Variants in RAB5A observed in about 807,000 individuals in gnomAD.
RAB5A encodes the protein ras-related protein Rab-5A.
In RAB5A, 8 loss-of-function variants were observed where a neutral mutation model predicts 25.7. That is an observed-to-expected ratio of 0.31 (90% confidence interval 0.18 to 0.56). The LOEUF (loss-of-function observed/expected upper bound fraction) is 0.56, where lower values mean the gene tolerates loss of function less well. RAB5A is among the 20% of genes least tolerant of loss of function. The pLI, the probability that RAB5A is intolerant of heterozygous loss-of-function variation, is 0.91. For synonymous variants in RAB5A, 98 were observed against 89.8 expected (o/e 1.09, Z -0.52); for missense variants, 192 against 259.7 (o/e 0.74, Z 1.79).
At chr3:19,951,607 A>G (rs763551681) in intron 2 of RAB5A, among the ~76,000 whole-genome samples, 7 of 151,780 alleles carry the variant, frequency 4.6e-5, no homozygotes, top group Admixed American at 3.9e-4. Context: ...CTCACTGCAG[A>G]CTGCAGCCTG....
intron 2 of RAB5A, among the ~76,000 whole-genome samples, chr3:19,953,230 C>T (rs180856142): frequency 6.6e-5 from 10 of 151,984 alleles, no homozygotes; most frequent in Admixed American, 5.9e-4. Context: ...AAAATGTAAC[C>T]CCATATCCTG....
chr3:19,954,930 A>G (rs1696477894), intron 2 of RAB5A, among the ~76,000 whole-genome samples: 1 of 152,134 alleles, frequency 6.6e-6, no homozygotes, highest in African/African-American at 2.4e-5. Flanking sequence ...AGAGAATTCT[A>G]GCTTGTTTGT....
At chr3:19,976,565 A>G (rs1696827702) in intron 4 of RAB5A, among the ~76,000 whole-genome samples, 1 of 152,158 alleles carries the variant, frequency 6.6e-6, no homozygotes, top group Admixed American at 6.5e-5. Flanking sequence ...CATGCCTGTA[A>G]TCCCAGCTAC....
intron 2 of RAB5A, among the ~76,000 whole-genome samples, chr3:19,954,934 T>C (rs972737393): frequency 1.3e-5 from 2 of 152,170 alleles, no homozygotes; most frequent in Non-Finnish European, 2.9e-5. Flanking sequence ...AATTCTAGCT[T>C]GTTTGTATGG....
intron 2 of RAB5A, 130 bp downstream of exon 2, chr3:19,951,191 A>G: frequency 9.6e-7 from 1 of 1,042,708 alleles, no homozygotes. Context: ...TGTTCAGCTT[A>G]CCTTAGCTTT....
chr3:19,983,664 T>C, intron 5 of RAB5A, 44 bp from the exon 6 acceptor site: 1 of 1,262,868 alleles, frequency 7.9e-7, no homozygotes, highest in Non-Finnish European at 1.1e-6. Flanking sequence ...CTGATATTAA[T>C]ATGAGTATTC....
intron 2 of RAB5A, among the ~76,000 whole-genome samples, chr3:19,956,563 G>A (rs1490076222): frequency 2.0e-5 from 3 of 152,164 alleles, no homozygotes; most frequent in Non-Finnish European, 4.4e-5. Flanking sequence ...GTTGTTTTTA[G>A]TCTAAAACAA....
At chr3:19,956,978 G>C (rs1386883661) in intron 2 of RAB5A, among the ~76,000 whole-genome samples, 1 of 133,000 alleles carries the variant, frequency 7.5e-6, no homozygotes, top group Non-Finnish European at 1.6e-5. Flanking sequence ...AGCCTGCTCT[G>C]TTGCCCAGGC....
intron 5 of RAB5A, among the ~76,000 whole-genome samples, chr3:19,983,086 C>T (rs1196897243): frequency 6.6e-6 from 1 of 152,000 alleles, no homozygotes; most frequent in Non-Finnish European, 1.5e-5. Context: ...CCTATAATCC[C>T]AACACTTTGG....
At chr3:19,951,270 T>A in intron 2 of RAB5A, 1 of 489,476 alleles carries the variant, frequency 2.0e-6, no homozygotes, top group Non-Finnish European at 3.5e-6. Context: ...TCCCTTGTGG[T>A]TATATTGTAG....
intron 1 of RAB5A, 149 bp from the exon 2 acceptor site, chr3:19,950,657 A>G (rs534556696): frequency 2.7e-6 from 1 of 370,458 alleles, no homozygotes; most frequent in Non-Finnish European, 4.8e-6. Context: ...ATACCTTTGA[A>G]TTTCCTTTAA....
chr3:19,974,278 C>G (rs1696791407), intron 2 of RAB5A, among the ~76,000 whole-genome samples: 1 of 151,964 alleles, frequency 6.6e-6, no homozygotes, highest in African/African-American at 2.4e-5. Context: ...CCTCAGCCTC[C>G]CGAGTAACCG....
At chr3:19,970,267 T>C (rs577082680) in intron 2 of RAB5A, among the ~76,000 whole-genome samples, 2 of 152,384 alleles carry the variant, frequency 1.3e-5, no homozygotes, top group African/African-American at 4.8e-5. Flanking sequence ...CCTTGCCCAG[T>C]GTGTTACAGT....
At chr3:19,977,218 G>A (rs902041018) in intron 4 of RAB5A, among the ~76,000 whole-genome samples, 1 of 151,936 alleles carries the variant, frequency 6.6e-6, no homozygotes, top group African/African-American at 2.4e-5. Flanking sequence ...GACTACAGGC[G>A]CCCACCACCA....
At chr3:19,980,010 T>A (rs545282255) in intron 5 of RAB5A, 1 of 152,248 alleles carries the variant, frequency 6.6e-6, no homozygotes, top group South Asian at 2.1e-4. Flanking sequence ...CAGAGTTTAA[T>A]GGTACTTCAT....
In RAB5A at chr3:19,974,280, G is replaced by A. The variant is rs1307213897; in HGVS notation, c.164-1321G>A. 2.0e-5 allele frequency among the ~76,000 whole-genome samples: 3 copies of A among 151,384 alleles called. No individual in the cohort carries two copies. The East Asian group carries it at 5.8e-4, about 29-fold the overall frequency. ...AACGACTCTCCTGCCTCAGCCTCCCGAGTAACCGGAACCACAGGCAAGCGC... is the reference window on the plus strand; with the variant it reads ...AACGACTCTCCTGCCTCAGCCTCCCAAGTAACCGGAACCACAGGCAAGCGC... On this transcript the variant is annotated intron_variant, in intron 2 of 5. Coordinates refer to ENST00000273047, the MANE Select transcript of RAB5A (RefSeq NM_004162.5).
chr3:19,969,057 T>G (rs1489007062), intron 2 of RAB5A, among the ~76,000 whole-genome samples: 2 of 142,568 alleles, frequency 1.4e-5, no homozygotes, highest in African/African-American at 5.3e-5. Context: ...TTTTTTTTTT[T>G]TTTTGAGATG....
At chr3:19,955,567 G>T (rs540150058) in intron 2 of RAB5A, among the ~76,000 whole-genome samples, 51 of 152,186 alleles carry the variant, frequency 3.4e-4, no homozygotes, top group East Asian at 9.7e-4. Context: ...TAATTGGGGG[G>T]TTTTTTTGAG....
chr3:19,978,679 A>C, intron 5 of RAB5A: 4 of 238,314 alleles, frequency 1.7e-5, no homozygotes, highest in Non-Finnish European at 2.4e-5. Context: ...TTAAGCCTTA[A>C]CCTCTTAACC....
Sources: gnomAD v4.1 joint callset for allele counts (sites outside exome capture counted in the v4.1 genomes callset) on GRCh38, gnomAD v4.1.1 for gene constraint, MANE v1.5 for transcripts, NCBI Gene and HGNC (gene_info 2026-07-23, HGNC 2026-07-21) for gene names.